Variants in CDH9 observed in about 807,000 individuals in gnomAD.
CDH9 encodes the protein cadherin 9, also known as cadherin-9.
In CDH9, 28 loss-of-function variants were observed where a neutral mutation model predicts 70.9. The observed-to-expected ratio is 0.40, with a 90% CI of 0.29 to 0.54. The LOEUF is 0.54. Ranked by LOEUF, CDH9 falls within the 20% of genes least tolerant of loss-of-function variation. The probability of loss-of-function intolerance (pLI) is 0.59; values close to 1 mark genes in which losing one functional copy is unlikely to be tolerated. For synonymous variants in CDH9, 409 were observed against 343.1 expected, an observed-to-expected ratio of 1.19 and a Z score of -2.12; for missense variants, 874 against 984.4, an observed-to-expected ratio of 0.89 and a Z score of 1.50.
chr5:26,916,716 T>C (rs538358820), intron 2 of CDH9, among the ~76,000 whole-genome samples: 44 of 152,066 alleles, frequency 2.9e-4, no homozygotes, highest in Middle Eastern at 3.4e-3. Context: ...CTGTAGAACA[T>C]TGATTGTAGA....
At chr5:26,902,418 G>C (rs986786056) in intron 7 of CDH9, 58 bp downstream of exon 7, 1 of 1,196,770 alleles carries the variant, frequency 8.4e-7, no homozygotes, top group Admixed American at 1.9e-5. Flanking sequence ...CACACAGTTT[G>C]TAAATAGTGA....
At position 26,919,172 on chromosome 5, in the gene CDH9, G is replaced by A. The variant is rs144944495; in HGVS notation, c.229-3248C>T. On this transcript the variant is annotated intron_variant, in intron 2 of 11. Transcript: ENST00000231021. The stretch of plus-strand genomic sequence containing the variant: ...ATTAATAAAAGAGGCACTGAAAAAG[G>A]TAGAAAAGACAGTCTTGAATTGGCT... Among the ~76,000 whole-genome samples the A allele has an allele frequency of 4.7e-3, 708 of 152,216 alleles. 3 individuals carry two copies. The highest frequency in any genetic ancestry group is 9.7e-3 in the Admixed American group (149 of 15,298).
intron 1 of CDH9, among the ~76,000 whole-genome samples, chr5:27,002,583 T>A (rs1277057833): frequency 2.0e-5 from 3 of 152,124 alleles, no homozygotes; most frequent in African/African-American, 7.2e-5. Context: ...TGGAATACTA[T>A]GCAGCCATAA....
intron 1 of CDH9, among the ~76,000 whole-genome samples, chr5:26,997,975 AGAGT>A (rs748517014): frequency 6.6e-6 from 1 of 152,088 alleles, no homozygotes; most frequent in Non-Finnish European, 1.5e-5. Flanking sequence ...TGGGATTACA[AGAGT>A]GAGCCACCAT....
chr5:26,922,600 C>T (rs1000423634), intron 2 of CDH9, among the ~76,000 whole-genome samples: 22 of 151,782 alleles, frequency 1.4e-4, no homozygotes, highest in African/African-American at 4.8e-4. Context: ...AAAGGGAGTT[C>T]CTTAATGTAA....
At chr5:26,915,505 A>T (rs973986205) in intron 3 of CDH9, 125 bp downstream of exon 3, 2 of 607,544 alleles carry the variant, frequency 3.3e-6, no homozygotes, top group Admixed American at 5.6e-5. Context: ...GTTTAAGCTA[A>T]ATAGTAGTTA....
intron 2 of CDH9, among the ~76,000 whole-genome samples, chr5:26,977,424 A>G (rs1208183324): frequency 1.3e-5 from 2 of 150,988 alleles, no homozygotes; most frequent in African/African-American, 2.4e-5. Context: ...TCAATAAGTA[A>G]CATTCTACAA....
chr5:26,952,056 C>CA (rs139298142), intron 2 of CDH9, among the ~76,000 whole-genome samples: 13,667 of 149,844 alleles, frequency 0.091, 2,177 homozygotes, highest in African/African-American at 0.32. Flanking sequence ...TGTTGGCTCA[C>CA]TGCAACCTCC....
intron 3 of CDH9, among the ~76,000 whole-genome samples, chr5:26,913,241 A>G (rs1741084479): frequency 4.6e-5 from 7 of 152,152 alleles, no homozygotes; most frequent in Admixed American, 2.0e-4. Context: ...AAAATAGGCA[A>G]TTAAACCAAA....
At chr5:27,004,827 C>T (rs188559643) in intron 1 of CDH9, among the ~76,000 whole-genome samples, 12 of 152,154 alleles carry the variant, frequency 7.9e-5, no homozygotes, top group Admixed American at 6.6e-4. Context: ...ATCAAACATG[C>T]ATTTGGATAA....
rs1007187000 is a variant in CDH9, at chr5:26,885,773, A to G, written c.1723T>C (p.Tyr575His). 1 of 1,613,882 alleles carries G rather than the reference A, an allele frequency of 6.2e-7. No individual in the cohort carries two copies. Among genetic ancestry groups the G allele is most frequent in the Non-Finnish European group, 8.5e-7 (1 of 1,179,924 alleles). Residue 575 changes from tyrosine to histidine, a missense_variant, in exon 11 of 12, where the codon TAT becomes CAT. Physicochemically the swap from Tyr to His is moderately conservative, Grantham distance 83. Transcript: ENST00000231021. ...GTACCAGTGCTGCTTTGAATTGGAT[A>G]ATCGTTGTCAAAGATTAAAATCGGC... ...LLPILIFDND[Y>H]PIQSSTGTLT...
In CDH9 at chr5:26,972,020, G is replaced by A. The variant is rs142534641; in HGVS notation, c.228+16086C>T. Among the ~76,000 whole-genome samples the A allele has an allele frequency of 2.3e-3, 353 of 152,252 alleles. 4 individuals are homozygous for A. The highest frequency in any genetic ancestry group is 0.01 in the Admixed American group (158 of 15,282). On this transcript the variant is annotated intron_variant, in intron 2 of 11. Transcript: ENST00000231021. ...TTGGTGTGATTAGGGGTTAATAATA[G>A]TGAATGTCCTATTTTAAAGGTTTTA...
chr5:27,022,449 C>T (rs1317886739), intron 1 of CDH9, among the ~76,000 whole-genome samples: 1 of 151,918 alleles, frequency 6.6e-6, no homozygotes, highest in Non-Finnish European at 1.5e-5. Flanking sequence ...TTTGTAAATG[C>T]AAATAGTATC....
At chr5:26,948,976 C>T (rs1561013832) in intron 2 of CDH9, among the ~76,000 whole-genome samples, 1 of 152,080 alleles carries the variant, frequency 6.6e-6, no homozygotes. Context: ...TTTTTTCATT[C>T]TTTCTTATCC....
At chr5:26,885,921 T>C (rs1740558625) in intron 10 of CDH9, 45 bp downstream of exon 10, 2 of 1,591,686 alleles carry the variant, frequency 1.3e-6, no homozygotes, top group African/African-American at 2.7e-5. Flanking sequence ...TTTAACTGTG[T>C]ATCTTAAAGT....
chr5:27,008,252 T>G lies in CDH9; in HGVS notation c.-49-19870A>C, dbSNP rs1395895747. 6.6e-5 allele frequency among the ~76,000 whole-genome samples: 10 copies of G among 152,142 alleles called. 1 individual carries two copies. In the East Asian group the frequency reaches 1.9e-3, roughly 30 times the overall value. On this transcript the variant is annotated intron_variant, in intron 1 of 11. Coordinates refer to ENST00000231021, the MANE Select transcript of CDH9 (RefSeq NM_016279.4). ...GGCTCACGCCTGTAATCCCAGCATT[T>G]TGGGAGGCGGGTGGATCACTTGAGG... is the stretch of plus-strand genomic sequence containing the variant.
rs151124637 is a variant in CDH9 at position 26,986,384 on chromosome 5, T to G, written c.228+1722A>C. ...ATTAAAGCTATGCATGTACATTTAG[T>G]AATTGTTTATGACAGATTATGGAAT... On this transcript the variant is annotated intron_variant, in intron 2 of 11. Coordinates refer to ENST00000231021, the MANE Select transcript of CDH9 (RefSeq NM_016279.4). Among the ~76,000 whole-genome samples the G allele has an allele frequency of 9.1e-3, 1,393 of 152,252 alleles. 24 individuals carry two copies. Among genetic ancestry groups the G allele is most frequent in the African/African-American group, 0.032 (1,320 of 41,568 alleles).
intron 2 of CDH9, among the ~76,000 whole-genome samples, chr5:26,947,997 C>A (rs562845244): frequency 4.4e-4 from 67 of 152,238 alleles, no homozygotes; most frequent in African/African-American, 1.5e-3. Context: ...ATTTTGAACA[C>A]CGAGAGTCGA....
At chr5:26,943,606 G>T (rs751237583) in intron 2 of CDH9, among the ~76,000 whole-genome samples, 5 of 151,950 alleles carry the variant, frequency 3.3e-5, no homozygotes, top group Admixed American at 3.3e-4. Flanking sequence ...ATTTCAAAGG[G>T]CTAAGACTGT....
Sources: allele counts gnomAD v4.1 joint callset (sites outside exome capture counted in the v4.1 genomes callset), GRCh38; gene constraint gnomAD v4.1.1; transcripts MANE v1.5; gene names NCBI Gene and HGNC (gene_info 2026-07-23, HGNC 2026-07-21).